FHOD3: variants seen among roughly 807,000 people sequenced by gnomAD.
The protein encoded by FHOD3 is FH1/FH2 domain-containing protein 3.
A neutral mutation model predicts 173.0 loss-of-function variants in FHOD3; 90 were observed. The ratio of observed to expected loss-of-function variants is 0.52; its 90% CI spans 0.44 to 0.62. The LOEUF (loss-of-function observed/expected upper bound fraction) is 0.62, where lower values mean the gene tolerates loss of function less well. Among genes scored for constraint, FHOD3 ranks in the 20% least tolerant of loss-of-function variants. The pLI, the probability that FHOD3 is intolerant of heterozygous loss-of-function variation, is 0.00. For missense variants in FHOD3, 1,945 were observed against 2,034.7 expected (o/e 0.96, Z 0.85); for synonymous variants, 828 against 823.0 (o/e 1.01, Z -0.10).
At chr18:36,311,875 A>G (rs928218123) in intron 1 of FHOD3, among the ~76,000 whole-genome samples, 2 of 151,730 alleles carry the variant, frequency 1.3e-5, no homozygotes, top group Non-Finnish European at 2.9e-5. Context: ...GCCCTTTTCC[A>G]CTGTGTCTTC....
intron 10 of FHOD3, among the ~76,000 whole-genome samples, chr18:36,643,863 TTTTCTC>T (rs549137424): frequency 8.5e-4 from 129 of 152,320 alleles, no homozygotes; most frequent in African/African-American, 2.9e-3. Context: ...TTGCTCAACT[TTTTCTC>T]ATTCTGATTG....
At chr18:36,450,439 G>GTTTATTTATTTA (rs1380966170) in intron 3 of FHOD3, among the ~76,000 whole-genome samples, 33 of 91,170 alleles carry the variant, frequency 3.6e-4, no homozygotes, top group South Asian at 1.5e-3. Context: ...TTTACGACCA[G>GTTTATTTATTTA]TTTGTTTATT....
At chr18:36,684,876 C>T (rs1414215954) in intron 15 of FHOD3, among the ~76,000 whole-genome samples, 1 of 152,158 alleles carries the variant, frequency 6.6e-6, no homozygotes. Flanking sequence ...CATCTTGGCT[C>T]ACTGCAGCCT....
intron 3 of FHOD3, among the ~76,000 whole-genome samples, chr18:36,499,945 G>C (rs1184614587): frequency 6.6e-6 from 1 of 152,168 alleles, no homozygotes; most frequent in Non-Finnish European, 1.5e-5. Flanking sequence ...GGAATCTTTG[G>C]AGTCACATAC....
intron 3 of FHOD3, among the ~76,000 whole-genome samples, chr18:36,421,312 G>A (rs1005058046): frequency 2.0e-5 from 3 of 152,138 alleles, no homozygotes; most frequent in African/African-American, 7.2e-5. Context: ...AGATACTTTT[G>A]AATTTACCAA....
chr18:36,753,910 TTG>T (rs2042516452), intron 24 of FHOD3, among the ~76,000 whole-genome samples: 1 of 152,248 alleles, frequency 6.6e-6, no homozygotes, highest in Non-Finnish European at 1.5e-5. Flanking sequence ...TAGTGTTGCG[TTG>T]TAAGATTCCT....
At chr18:36,767,600 G>A (rs1266473792) in intron 27 of FHOD3, among the ~76,000 whole-genome samples, 2 of 152,138 alleles carry the variant, frequency 1.3e-5, no homozygotes, top group African/African-American at 2.4e-5. Flanking sequence ...GATTACAGAC[G>A]TGAGCCACTG....
At chr18:36,714,124 C>T (rs755141726) in intron 18 of FHOD3, among the ~76,000 whole-genome samples, 5 of 152,106 alleles carry the variant, frequency 3.3e-5, no homozygotes, top group African/African-American at 1.2e-4. Flanking sequence ...ATGGCTACAT[C>T]AGTTAAAGTA....
intron 1 of FHOD3, among the ~76,000 whole-genome samples, chr18:36,340,806 T>A (rs1181378935): frequency 1.3e-5 from 2 of 151,884 alleles, no homozygotes; most frequent in Non-Finnish European, 2.9e-5. Context: ...CCGGCTAATT[T>A]TTTTGTATTT....
chr18:36,430,303 G>A (rs1405212776), intron 3 of FHOD3, among the ~76,000 whole-genome samples: 4 of 152,140 alleles, frequency 2.6e-5, no homozygotes, highest in African/African-American at 4.8e-5. Flanking sequence ...CAGAACCTCC[G>A]CCTCCCGAGT....
At chr18:36,409,950 C>G (rs904208992) in intron 3 of FHOD3, among the ~76,000 whole-genome samples, 3 of 152,198 alleles carry the variant, frequency 2.0e-5, no homozygotes, top group African/African-American at 7.2e-5. Flanking sequence ...CAGGGCGTTG[C>G]CCGGGTGTCC....
chr18:36,531,774 C>T lies in FHOD3; in HGVS notation c.511+19231C>T, dbSNP rs529090227. On this transcript the variant is annotated intron_variant, in intron 5 of 28. Coordinates refer to ENST00000590592, the MANE Select transcript of FHOD3 (RefSeq NM_001281740.3). ...GGCTCTTCCTCCAGCTCCTGTCCCA[C>T]GTCTTCCGCTGTCTACAGCCTGCGG... 2.3e-4 allele frequency among the ~76,000 whole-genome samples: 35 copies of T among 152,310 alleles called. No homozygotes were observed. In the Middle Eastern group the frequency reaches 0.01, roughly 44 times the overall value.
chr18:36,528,850 C>T (rs2056650604), intron 5 of FHOD3, among the ~76,000 whole-genome samples: 1 of 152,234 alleles, frequency 6.6e-6, no homozygotes, highest in Non-Finnish European at 1.5e-5. Context: ...CACCACCTCA[C>T]CTGTTCTCAC....
At chr18:36,495,217 A>C (rs1236936302) in intron 3 of FHOD3, among the ~76,000 whole-genome samples, 1 of 152,082 alleles carries the variant, frequency 6.6e-6, no homozygotes, top group Non-Finnish European at 1.5e-5. Context: ...CTGGGATTAC[A>C]CGTGTGAGCC....
At chr18:36,711,181 T>C (rs971847501) in intron 18 of FHOD3, 2 of 152,214 alleles carry the variant, frequency 1.3e-5, no homozygotes, top group African/African-American at 4.8e-5. Context: ...CTGTAGCTTA[T>C]TGGTTCCTAA....
At chr18:36,562,292 C>T (rs902906424) in intron 5 of FHOD3, among the ~76,000 whole-genome samples, 1 of 152,150 alleles carries the variant, frequency 6.6e-6, no homozygotes, top group African/African-American at 2.4e-5. Context: ...GCTGTGATTA[C>T]AGATGTGAGC....
chr18:36,681,724 G>T (rs2038254803), intron 15 of FHOD3, among the ~76,000 whole-genome samples, 154 bp downstream of exon 15: 1 of 152,156 alleles, frequency 6.6e-6, no homozygotes, highest in South Asian at 2.1e-4. Flanking sequence ...GAAATAGGCT[G>T]GATCTGGTTT....
intron 27 of FHOD3, among the ~76,000 whole-genome samples, chr18:36,762,753 G>A (rs189863216): frequency 9.3e-5 from 14 of 150,620 alleles, no homozygotes; most frequent in Admixed American, 7.9e-4. Context: ...CCAAGATGGC[G>A]CCATTGCACT....
chr18:36,402,504 T>A (rs997870906), intron 3 of FHOD3, among the ~76,000 whole-genome samples: 12 of 102,576 alleles, frequency 1.2e-4, no homozygotes, highest in Non-Finnish European at 2.0e-4. Flanking sequence ...GTGATGCAAT[T>A]ATACACACAC....
Sources: allele counts gnomAD v4.1 joint callset (sites outside exome capture counted in the v4.1 genomes callset), GRCh38; gene constraint gnomAD v4.1.1; transcripts MANE v1.5; gene names NCBI Gene and HGNC (gene_info 2026-07-23, HGNC 2026-07-21).